C2orf74: variants seen among roughly 807,000 people sequenced by gnomAD.
The protein encoded by C2orf74 is DPM1 ER membrane anchor 1.
C2orf74 carries 14 observed loss-of-function variants against 17.9 expected under a neutral mutation model. That is an observed-to-expected ratio of 0.78 (90% confidence interval 0.52 to 1.22). The LOEUF is 1.22. C2orf74 is among the 50% of genes most tolerant of loss of function. C2orf74 has a pLI of 0.00. For missense variants in C2orf74, 217 were observed against 218.4 expected (o/e 0.99, Z 0.04); for synonymous variants, 79 against 72.6 (o/e 1.09, Z -0.44).
At chr2:61,154,001 G>A (rs1017862547) in intron 1 of C2orf74, among the ~76,000 whole-genome samples, 1 of 152,160 alleles carries the variant, frequency 6.6e-6, no homozygotes, top group Non-Finnish European at 1.5e-5. Flanking sequence ...CACTTTAAGA[G>A]GCTGAGGTGG....
upstream of C2orf74, among the ~76,000 whole-genome samples, chr2:61,161,340 T>C (rs1043773618): frequency 1.1e-4 from 17 of 152,254 alleles, no homozygotes; most frequent in African/African-American, 4.1e-4. Flanking sequence ...TTTCTCACCA[T>C]TGAATATGAT....
intron 1 of C2orf74, among the ~76,000 whole-genome samples, chr2:61,148,177 T>C (rs1279787006): frequency 6.8e-6 from 1 of 148,028 alleles, no homozygotes; most frequent in East Asian, 1.9e-4. Flanking sequence ...ATATATAATA[T>C]ATAAAAATAT....
upstream of C2orf74, chr2:61,157,824 A>T: frequency 2.1e-6 from 1 of 467,472 alleles, no homozygotes; most frequent in East Asian, 6.9e-5. Context: ...GAGCGTGCTC[A>T]CTCATCCTGT....
chr2:61,153,900 AAAAG>A (rs146388137), intron 1 of C2orf74, among the ~76,000 whole-genome samples: 20 of 149,346 alleles, frequency 1.3e-4, no homozygotes, highest in South Asian at 4.2e-4. Context: ...AAAAAAAAGA[AAAAG>A]AAAGAAAAAA....
chr2:61,149,884 C>T (rs777185896), intron 1 of C2orf74, among the ~76,000 whole-genome samples: 15 of 151,900 alleles, frequency 9.9e-5, no homozygotes, highest in African/African-American at 1.4e-4. Context: ...TAGATGATAC[C>T]GGGTTTCTTG....
upstream of C2orf74, among the ~76,000 whole-genome samples, chr2:61,159,661 T>G (rs1481219871): frequency 6.6e-6 from 1 of 152,178 alleles, no homozygotes; most frequent in Non-Finnish European, 1.5e-5. Context: ...GGTAGAACAT[T>G]CACAGTGGGG....
upstream of C2orf74, among the ~76,000 whole-genome samples, chr2:61,160,255 G>A (rs1685522598): frequency 6.6e-6 from 1 of 151,936 alleles, no homozygotes; most frequent in African/African-American, 2.4e-5. Context: ...CCGCCTCCTG[G>A]GTTCAAGCAA....
At chr2:61,149,120 T>C (rs1315815839) in intron 1 of C2orf74, among the ~76,000 whole-genome samples, 1 of 152,220 alleles carries the variant, frequency 6.6e-6, no homozygotes, top group Non-Finnish European at 1.5e-5. Context: ...TCACAAACAT[T>C]GCTTCAGATA....
Position 61,164,526 on chromosome 2 carries a change from GA to G in C2orf74, c.*1del. 1 of 1,510,058 alleles carries G rather than the reference GA, an allele frequency of 6.6e-7. No individual in the cohort carries two copies. The highest frequency in any genetic ancestry group is 8.8e-7 in the Non-Finnish European group (1 of 1,130,104). 93.5% of individuals were successfully genotyped at this position (1,510,058 alleles called of 1,614,324 possible). ...SYTREHKERK[*>X] ...ACTCGAGAACATAAAGAGAGGAAAT[GA>G]AGCTCAAAAAAGGGTAAGAGTGAAA... On this transcript the variant is annotated frameshift_variant and stop_lost, in exon 5 of 5. Transcript: ENST00000432605. LOFTEE classifies it high-confidence loss of function.
At chr2:61,157,526 G>A (rs1685427615), upstream of C2orf74, among the ~76,000 whole-genome samples, 1 of 152,096 alleles carries the variant, frequency 6.6e-6, no homozygotes, top group Admixed American at 6.6e-5. Flanking sequence ...AAAAGGAAAG[G>A]CATGGACTCA....
Position 61,164,575 on chromosome 2 carries a change from G to A in C2orf74, c.*48G>A, listed in dbSNP as rs565166710. The A allele has an allele frequency of 2.0e-4, 275 of 1,370,796 alleles. 1 individual carries two copies. The highest frequency in any genetic ancestry group is 1.8e-3 in the South Asian group (109 of 59,972). The allele number at this position is 1,370,796 out of a possible 1,614,324, so 84.9% of individuals were successfully genotyped here. A position where few individuals can be genotyped will look rare whatever the true frequency, so the allele number is the denominator to read the frequency against. ...AAAGAAAATGTAACGTTTGACTAAC[G>A]TTGAAAGACTGAGGGTACAAAATCA... is the stretch of plus-strand genomic sequence containing the variant. On this transcript the variant is annotated 3_prime_UTR_variant, in exon 5 of 5. Coordinates refer to ENST00000432605, the MANE Select transcript of C2orf74 (RefSeq NM_001143959.4).
chr2:61,150,097 T>C (rs1685182721), intron 1 of C2orf74, among the ~76,000 whole-genome samples: 1 of 152,136 alleles, frequency 6.6e-6, no homozygotes, highest in Non-Finnish European at 1.5e-5. Context: ...TAGCAAGTCA[T>C]GGATATTCTC....
At chr2:61,159,934 A>G (rs900715868), upstream of C2orf74, among the ~76,000 whole-genome samples, 5 of 152,216 alleles carry the variant, frequency 3.3e-5, no homozygotes, top group Admixed American at 3.3e-4. Flanking sequence ...GAACTTTTTC[A>G]TAATTCTAAA....
upstream of C2orf74, among the ~76,000 whole-genome samples, chr2:61,161,002 G>A (rs530174456): frequency 6.6e-6 from 1 of 152,134 alleles, no homozygotes; most frequent in Non-Finnish European, 1.5e-5. Context: ...TTTCTACAGT[G>A]ACTGTACCAT....
At chr2:61,151,940 G>A (rs1685239466) in intron 1 of C2orf74, 1 of 152,362 alleles carries the variant, frequency 6.6e-6, no homozygotes, top group South Asian at 2.1e-4. Context: ...ACCCTGCCCT[G>A]GTTTGCCACA....
At chr2:61,156,287 T>A (rs1169560073) in intron 1 of C2orf74, among the ~76,000 whole-genome samples, 1 of 151,814 alleles carries the variant, frequency 6.6e-6, no homozygotes, top group Non-Finnish European at 1.5e-5. Context: ...CCTATAATCC[T>A]GGCACTTTGG....
upstream of C2orf74, among the ~76,000 whole-genome samples, chr2:61,160,758 G>A (rs1685540761): frequency 6.6e-6 from 1 of 152,170 alleles, no homozygotes; most frequent in African/African-American, 2.4e-5. Context: ...CCAAAGTGCT[G>A]GCATTACAGG....
chr2:61,162,434 G>A lies in C2orf74; in HGVS notation c.-81G>A. ...TTTCTAGAAAACTTAAAGAACAAGA[G>A]AACTGCATTCAAATTGAGCTGGAAA... On this transcript the variant is annotated 5_prime_UTR_variant, in exon 2 of 5. Coordinates refer to ENST00000432605, the MANE Select transcript of C2orf74 (RefSeq NM_001143959.4). The A allele has an allele frequency of 9.7e-7, 1 of 1,032,620 alleles. No homozygotes were observed. Among genetic ancestry groups the A allele is most frequent in the South Asian group, 1.5e-5 (1 of 67,308 alleles). The allele number at this position is 1,032,620 out of a possible 1,614,324, so 64.0% of individuals were successfully genotyped here.
chr2:61,158,977 T>G (rs377549049), upstream of C2orf74, among the ~76,000 whole-genome samples: 427 of 125,338 alleles, frequency 3.4e-3, 1 homozygote, highest in African/African-American at 0.01. Context: ...CAAGTTTTTT[T>G]TTGTTGTTTG....
Sources: allele counts gnomAD v4.1 joint callset (sites outside exome capture counted in the v4.1 genomes callset), GRCh38; gene constraint gnomAD v4.1.1; transcripts MANE v1.5; gene names NCBI Gene and HGNC (gene_info 2026-07-23, HGNC 2026-07-21).